KIAA0825: variants seen among roughly 807,000 people sequenced by gnomAD.
KIAA0825 encodes KIAA0825, also known as uncharacterized protein KIAA0825.
KIAA0825 carries 119 observed loss-of-function variants against 147.6 expected under a neutral mutation model. The observed-to-expected ratio is 0.81, with a 90% CI of 0.69 to 0.94. KIAA0825 has a LOEUF of 0.94. Among genes scored for constraint, KIAA0825 ranks in the 40% least tolerant of loss-of-function variants. KIAA0825 has a pLI of 0.00. For synonymous variants in KIAA0825, 470 were observed against 518.1 expected, an observed-to-expected ratio of 0.91 and a Z score of 1.26; for missense variants, 1,381 against 1,472.7, an observed-to-expected ratio of 0.94 and a Z score of 1.02.
chr5:94,377,147 G>C (rs923752669), intron 20 of KIAA0825, among the ~76,000 whole-genome samples: 9 of 152,156 alleles, frequency 5.9e-5, no homozygotes, highest in African/African-American at 2.2e-4. Context: ...TCTAATCTCT[G>C]TTTCCTCTCA....
At chr5:94,434,670 C>T (rs1024166538) in intron 14 of KIAA0825, among the ~76,000 whole-genome samples, 4 of 152,082 alleles carry the variant, frequency 2.6e-5, no homozygotes, top group South Asian at 2.1e-4. Context: ...AAGAGCATGG[C>T]GCCAGCATCT....
At chr5:94,530,423 T>C (rs1770556090) in intron 3 of KIAA0825, among the ~76,000 whole-genome samples, 2 of 152,086 alleles carry the variant, frequency 1.3e-5, no homozygotes, top group Non-Finnish European at 2.9e-5. Flanking sequence ...TAGCTAGGAC[T>C]ACAGGCATGT....
At chr5:94,399,051 G>T (rs569810919) in intron 16 of KIAA0825, among the ~76,000 whole-genome samples, 39 of 152,178 alleles carry the variant, frequency 2.6e-4, no homozygotes, top group African/African-American at 9.4e-4. Context: ...ACACATATTT[G>T]AACAATCTCC....
intron 1 of KIAA0825, among the ~76,000 whole-genome samples, chr5:94,615,857 T>C (rs1239675909): frequency 6.6e-6 from 1 of 152,146 alleles, no homozygotes; most frequent in Non-Finnish European, 1.5e-5. Flanking sequence ...GGTCTTACTC[T>C]GTTGTGCAGG....
chr5:94,322,509 C>T (rs924547859), intron 20 of KIAA0825, among the ~76,000 whole-genome samples: 17 of 151,996 alleles, frequency 1.1e-4, no homozygotes, highest in African/African-American at 3.9e-4. Context: ...TTGTTCAACA[C>T]TCTGCATTCT....
intron 10 of KIAA0825, among the ~76,000 whole-genome samples, chr5:94,466,068 A>C (rs1230739943): frequency 6.6e-6 from 1 of 152,166 alleles, no homozygotes; most frequent in Non-Finnish European, 1.5e-5. Flanking sequence ...CCAAGTGATT[A>C]TCTTTTACTT....
At chr5:94,385,338 CAGG>C (rs1268905658) in intron 19 of KIAA0825, among the ~76,000 whole-genome samples, 10 of 152,192 alleles carry the variant, frequency 6.6e-5, no homozygotes, top group Non-Finnish European at 4.4e-5. Context: ...TGTCATAGAG[CAGG>C]AGAATTCCAC....
intron 20 of KIAA0825, among the ~76,000 whole-genome samples, chr5:94,193,818 G>C (rs1257500730): frequency 6.6e-6 from 1 of 152,144 alleles, no homozygotes; most frequent in Admixed American, 6.5e-5. Context: ...TCCATGCTCT[G>C]TACCACCTCC....
intron 16 of KIAA0825, among the ~76,000 whole-genome samples, chr5:94,402,759 A>G (rs1346200657): frequency 6.6e-6 from 1 of 151,450 alleles, no homozygotes; most frequent in Non-Finnish European, 1.5e-5. Flanking sequence ...TAGAAAAACT[A>G]GAGAAAGTTT....
chr5:94,154,258 C>G (rs189655650), intron 20 of KIAA0825, 134 bp from the exon 21 acceptor site: 420 of 656,044 alleles, frequency 6.4e-4, no homozygotes, highest in African/African-American at 5.2e-3. Flanking sequence ...TCACTGACTG[C>G]CTCTTGGGTA....
intron 20 of KIAA0825, among the ~76,000 whole-genome samples, chr5:94,285,371 G>C (rs903337337): frequency 3.3e-5 from 5 of 151,958 alleles, no homozygotes; most frequent in Admixed American, 3.3e-4. Context: ...ATTTTTATAT[G>C]TTCTTCGGAT....
At chr5:94,166,777 A>C (rs1276630551) in intron 20 of KIAA0825, among the ~76,000 whole-genome samples, 2 of 151,916 alleles carry the variant, frequency 1.3e-5, no homozygotes, top group African/African-American at 4.8e-5. Context: ...CAAAGTGCTC[A>C]TGTCCTTCTT....
chr5:94,335,557 A>T (rs1781709276), intron 20 of KIAA0825, among the ~76,000 whole-genome samples: 1 of 152,126 alleles, frequency 6.6e-6, no homozygotes, highest in African/African-American at 2.4e-5. Flanking sequence ...TTTATATGTA[A>T]AAATATCATA....
At chr5:94,558,019 GT>G (rs922969855) in intron 2 of KIAA0825, among the ~76,000 whole-genome samples, 1 of 152,172 alleles carries the variant, frequency 6.6e-6, no homozygotes, top group African/African-American at 2.4e-5. Context: ...CAGGCTAAAA[GT>G]TTGCCGTTGT....
At chr5:94,426,430 T>C (rs1584460300) in intron 14 of KIAA0825, among the ~76,000 whole-genome samples, 1 of 152,142 alleles carries the variant, frequency 6.6e-6, no homozygotes, top group East Asian at 1.9e-4. Context: ...CTGGTCATTA[T>C]TTTACGTGAA....
chr5:94,229,653 T>C (rs1207943385), intron 20 of KIAA0825, among the ~76,000 whole-genome samples: 1 of 152,064 alleles, frequency 6.6e-6, no homozygotes, highest in Non-Finnish European at 1.5e-5. Flanking sequence ...CTACATTTTT[T>C]CTTTTTGCCT....
At chr5:94,204,145 G>A (rs1771943888) in intron 20 of KIAA0825, among the ~76,000 whole-genome samples, 1 of 152,108 alleles carries the variant, frequency 6.6e-6, no homozygotes, top group South Asian at 2.1e-4. Context: ...TCTTATTGGG[G>A]AAATGGGAGT....
intron 20 of KIAA0825, among the ~76,000 whole-genome samples, chr5:94,256,768 T>C (rs1776272206): frequency 6.6e-6 from 1 of 152,082 alleles, no homozygotes; most frequent in African/African-American, 2.4e-5. Flanking sequence ...CTCCTGAAAG[T>C]GTTGGCAAGT....
chr5:94,492,762 T>C (rs1042912816), intron 5 of KIAA0825, among the ~76,000 whole-genome samples: 16 of 152,236 alleles, frequency 1.1e-4, no homozygotes, highest in African/African-American at 3.9e-4. Context: ...AATTACTGTA[T>C]GACAATTTTA....
Sources: allele counts gnomAD v4.1 joint callset (sites outside exome capture counted in the v4.1 genomes callset), GRCh38; gene constraint gnomAD v4.1.1; transcripts MANE v1.5; gene names NCBI Gene and HGNC (gene_info 2026-07-23, HGNC 2026-07-21).